The following TMEM196 variants were observed in gnomAD, a reference collection of about 807,000 sequenced individuals.
The protein encoded by TMEM196 is transmembrane protein 196.
A neutral mutation model predicts 20.0 loss-of-function variants in TMEM196; 17 were observed. The ratio of observed to expected loss-of-function variants is 0.85; its 90% CI spans 0.58 to 1.27. The LOEUF is 1.27. TMEM196 is among the 50% of genes most tolerant of loss of function. The probability of loss-of-function intolerance (pLI) is 0.00; values close to 1 mark genes in which losing one functional copy is unlikely to be tolerated. For missense variants in TMEM196, 267 were observed against 223.0 expected, an observed-to-expected ratio of 1.20 and a Z score of -1.26; for synonymous variants, 113 against 88.9, an observed-to-expected ratio of 1.27 and a Z score of -1.52.
chr7:19,726,712 T>C (rs138449659), intron 2 of TMEM196, among the ~76,000 whole-genome samples: 1 of 152,328 alleles, frequency 6.6e-6, no homozygotes, highest in African/African-American at 2.4e-5. Context: ...AAGTACTTTG[T>C]GAATATTTAA....
chr7:19,749,654 G>A (rs1022915016), intron 1 of TMEM196, among the ~76,000 whole-genome samples: 2 of 152,132 alleles, frequency 1.3e-5, no homozygotes, highest in African/African-American at 4.8e-5. Context: ...TTCAATGCAA[G>A]GAGAGAACAA....
chr7:19,724,472 T>A lies in TMEM196; in HGVS notation c.460-119A>T. 4 of 852,186 alleles carry A rather than the reference T, an allele frequency of 4.7e-6. No homozygotes were observed. In the South Asian group the frequency reaches 6.9e-5, roughly 15 times the overall value. The allele number at this position is 852,186 out of a possible 1,614,324, so 52.8% of individuals were successfully genotyped here. On this transcript the variant is annotated intron_variant, in intron 3 of 4. Transcript: ENST00000405844. ...CTATTCATATATACATATAAAATGG[T>A]CATCTATTTTTAACAATCATTTCTT...
intron 1 of TMEM196, among the ~76,000 whole-genome samples, chr7:19,766,797 A>T (rs1785649386): frequency 6.6e-6 from 1 of 151,864 alleles, no homozygotes; most frequent in Non-Finnish European, 1.5e-5. Flanking sequence ...AGGGTGGATT[A>T]ATCTACCAAT....
At position 19,772,834 on chromosome 7, in the gene TMEM196, A is replaced by G; in HGVS notation, c.-138T>C. ...TTTCTTCAAGAGCGAGGCATTATCC[A>G]CAAGGGCTGGATTTCCAGAAACGAA... is the stretch of plus-strand genomic sequence containing the variant. On this transcript the variant is annotated 5_prime_UTR_variant, in exon 1 of 5. Transcript: ENST00000405844. 1.2e-6 allele frequency: 1 copy of G among 855,758 alleles called. No homozygotes were observed. The highest frequency in any genetic ancestry group is 4.0e-5 in the South Asian group (1 of 24,780). 53.0% of individuals were successfully genotyped at this position (855,758 alleles called of 1,614,324 possible).
At chr7:19,749,266 A>G (rs898140007) in intron 1 of TMEM196, among the ~76,000 whole-genome samples, 4 of 152,240 alleles carry the variant, frequency 2.6e-5, no homozygotes, top group African/African-American at 9.6e-5. Context: ...AGACCTACTT[A>G]TAACACGTGA....
At chr7:19,726,071 G>A (rs1783990696) in intron 2 of TMEM196, among the ~76,000 whole-genome samples, 1 of 152,212 alleles carries the variant, frequency 6.6e-6, no homozygotes, top group Middle Eastern at 3.4e-3. Flanking sequence ...TTATCGTCTA[G>A]GTAGATTCAG....
intron 2 of TMEM196, among the ~76,000 whole-genome samples, chr7:19,726,555 G>T (rs1784008151): frequency 6.6e-6 from 1 of 151,698 alleles, no homozygotes; most frequent in Non-Finnish European, 1.5e-5. Context: ...CTGTTCGTTT[G>T]TTCGTTTTAG....
chr7:19,772,564 C>G lies in TMEM196; in HGVS notation c.133G>C (p.Gly45Arg). The G allele has an allele frequency of 5.2e-6, 8 of 1,544,108 alleles. No individual in the cohort carries two copies. The highest frequency in any genetic ancestry group is 1.4e-5 in the African/African-American group (1 of 72,778). The change falls in exon 1 of 5, where the codon GGA (glycine) becomes CGA (arginine). Residue 45 changes from glycine (G) to arginine (R), a missense_variant. Transcript: ENST00000405844. ...LALREHKPQL[G>R]DSSPFLLCGI... ...CCGCTCCATACCGGGGACGAGTCTC[C>G]GAGCTGCGGCTTGTGCTCTCGGAGG...
intron 1 of TMEM196, among the ~76,000 whole-genome samples, chr7:19,752,359 C>T (rs1227791896): frequency 6.6e-6 from 1 of 152,112 alleles, no homozygotes; most frequent in African/African-American, 2.4e-5. Flanking sequence ...TATTGATTCC[C>T]CTCTCCTCCT....
intron 1 of TMEM196, among the ~76,000 whole-genome samples, chr7:19,761,740 A>G (rs1308089350): frequency 6.6e-6 from 1 of 152,222 alleles, no homozygotes; most frequent in African/African-American, 2.4e-5. Flanking sequence ...TGAACTTAAG[A>G]ATAAATTTCG....
chr7:19,740,570 GT>G (rs1784549004), intron 1 of TMEM196, among the ~76,000 whole-genome samples: 3 of 152,224 alleles, frequency 2.0e-5, no homozygotes, highest in South Asian at 4.1e-4. Flanking sequence ...TTGTTATTCA[GT>G]TTTGTGTTCT....
intron 1 of TMEM196, among the ~76,000 whole-genome samples, chr7:19,763,285 A>G (rs1785501894): frequency 6.6e-6 from 1 of 152,214 alleles, no homozygotes; most frequent in Admixed American, 6.5e-5. Flanking sequence ...TATAAACATA[A>G]GCTGCCATTG....
chr7:19,769,360 G>A (rs1200665433), intron 1 of TMEM196, among the ~76,000 whole-genome samples: 1 of 151,966 alleles, frequency 6.6e-6, no homozygotes, highest in African/African-American at 2.4e-5. Context: ...AAGTAATTCT[G>A]TCACCTCAAA....
intron 1 of TMEM196, among the ~76,000 whole-genome samples, chr7:19,731,785 A>G (rs974948342): frequency 2.0e-5 from 3 of 152,194 alleles, no homozygotes; most frequent in African/African-American, 7.2e-5. Context: ...GAGCTAAGAA[A>G]TGTGAATTCA....
In TMEM196 at chr7:19,720,914, G is replaced by T. The variant is rs965940706; in HGVS notation, c.*1214C>A. ...TTGTATCATTTAACTGGACTGCAAG[G>T]TGTTTGAAATATCAATATCATCAAT... On this transcript the variant is annotated 3_prime_UTR_variant, in exon 5 of 5. Coordinates refer to ENST00000405844, the MANE Select transcript of TMEM196 (RefSeq NM_001363562.2). The T allele has an allele frequency of 3.8e-4, 58 of 151,800 alleles. No individual in the cohort carries two copies. Among genetic ancestry groups the T allele is most frequent in the African/African-American group, 1.3e-3 (55 of 41,414 alleles). 9.4% of individuals were successfully genotyped at this position (151,800 alleles called of 1,614,324 possible).
chr7:19,724,796 A>G (rs1462882910), intron 3 of TMEM196, among the ~76,000 whole-genome samples: 1 of 152,200 alleles, frequency 6.6e-6, no homozygotes, highest in Non-Finnish European at 1.5e-5. Flanking sequence ...TTATTTTACA[A>G]ATGTTTCCTC....
chr7:19,722,840 G>A (rs1250392133), intron 4 of TMEM196, among the ~76,000 whole-genome samples: 1 of 152,060 alleles, frequency 6.6e-6, no homozygotes, highest in Non-Finnish European at 1.5e-5. Flanking sequence ...AAATTTTGAT[G>A]CTTTTAATTC....
chr7:19,756,134 T>C (rs1785201953), intron 1 of TMEM196, among the ~76,000 whole-genome samples: 2 of 151,762 alleles, frequency 1.3e-5, no homozygotes, highest in Non-Finnish European at 1.5e-5. Context: ...AGAAATCTAA[T>C]GTAAGCCACA....
chr7:19,740,333 A>G (rs1784543048), intron 1 of TMEM196, among the ~76,000 whole-genome samples: 2 of 152,188 alleles, frequency 1.3e-5, no homozygotes, highest in African/African-American at 2.4e-5. Context: ...ATACATGTGT[A>G]AAGTAACTCT....
Sources: allele counts gnomAD v4.1 joint callset (sites outside exome capture counted in the v4.1 genomes callset), GRCh38; gene constraint gnomAD v4.1.1; transcripts MANE v1.5; gene names NCBI Gene and HGNC (gene_info 2026-07-23, HGNC 2026-07-21).